The following NPAS3 variants were observed in gnomAD, a reference collection of about 807,000 sequenced individuals.
The protein encoded by NPAS3 is neuronal PAS domain-containing protein 3.
NPAS3 carries 14 observed loss-of-function variants against 73.1 expected under a neutral mutation model. The observed-to-expected ratio is 0.19, with a 90% CI of 0.13 to 0.30. The LOEUF is 0.30. Among genes scored for constraint, NPAS3 ranks in the 10% least tolerant of loss-of-function variants. The pLI, the probability that NPAS3 is intolerant of heterozygous loss-of-function variation, is 1.00. For synonymous variants in NPAS3, 620 were observed against 541.5 expected (o/e 1.14, Z -2.01); for missense variants, 1,096 against 1,250.0 (o/e 0.88, Z 1.86).
chr14:33,570,219 A>G (rs1255538846), intron 5 of NPAS3, among the ~76,000 whole-genome samples: 2 of 152,210 alleles, frequency 1.3e-5, no homozygotes, highest in African/African-American at 4.8e-5. Context: ...TTGGCAGACA[A>G]CTTTTTAAGA....
chr14:33,408,666 G>A (rs935457833), intron 4 of NPAS3, among the ~76,000 whole-genome samples: 1 of 152,164 alleles, frequency 6.6e-6, no homozygotes, highest in African/African-American at 2.4e-5. Context: ...AGCAGCACAT[G>A]TGGGGTGCCA....
intron 4 of NPAS3, among the ~76,000 whole-genome samples, chr14:33,475,635 C>G (rs1052564666): frequency 6.6e-6 from 1 of 151,662 alleles, no homozygotes; most frequent in Admixed American, 6.6e-5. Flanking sequence ...TTATACACTC[C>G]TGGTTTCCAT....
intron 9 of NPAS3, among the ~76,000 whole-genome samples, chr14:33,779,319 C>T (rs1209823317): frequency 1.3e-5 from 2 of 152,228 alleles, no homozygotes; most frequent in Non-Finnish European, 1.5e-5. Flanking sequence ...TCCAACCGCC[C>T]TGGCTGTTCG....
chr14:33,187,859 G>A (rs1331864051), intron 2 of NPAS3, among the ~76,000 whole-genome samples: 1 of 152,042 alleles, frequency 6.6e-6, no homozygotes, highest in Non-Finnish European at 1.5e-5. Context: ...GATGGATGTT[G>A]TTACTTCTTC....
chr14:33,255,525 A>AT (rs1288800475), intron 3 of NPAS3, among the ~76,000 whole-genome samples: 2 of 152,034 alleles, frequency 1.3e-5, no homozygotes, highest in Admixed American at 6.6e-5. Context: ...CTTAAAGTGT[A>AT]TTTTTTTTCC....
intron 6 of NPAS3, among the ~76,000 whole-genome samples, chr14:33,696,852 C>T (rs1165251372): frequency 6.6e-6 from 1 of 152,136 alleles, no homozygotes; most frequent in South Asian, 2.1e-4. Flanking sequence ...TGAGGAGTTA[C>T]CCCTGCATCT....
intron 4 of NPAS3, among the ~76,000 whole-genome samples, chr14:33,530,843 C>T (rs1328351116): frequency 1.3e-5 from 2 of 152,064 alleles, no homozygotes; most frequent in Non-Finnish European, 2.9e-5. Context: ...AAATCGAAGG[C>T]TCTGGCAACC....
At chr14:33,559,718 A>G (rs1869306556) in intron 4 of NPAS3, among the ~76,000 whole-genome samples, 1 of 152,226 alleles carries the variant, frequency 6.6e-6, no homozygotes, top group African/African-American at 2.4e-5. Flanking sequence ...TGGAGAAAAG[A>G]CGGTCTTAAA....
intron 1 of NPAS3, among the ~76,000 whole-genome samples, chr14:32,993,525 A>C (rs866865302): frequency 6.6e-6 from 1 of 152,196 alleles, no homozygotes; most frequent in Non-Finnish European, 1.5e-5. Context: ...CGCAAAGTGA[A>C]AAGAAGATTT....
chr14:33,142,266 C>T (rs2044082857), intron 2 of NPAS3, among the ~76,000 whole-genome samples: 1 of 104,788 alleles, frequency 9.5e-6, no homozygotes, highest in Non-Finnish European at 1.8e-5. Flanking sequence ...TACTTTTACA[C>T]TTAAAAAGGA....
intron 5 of NPAS3, among the ~76,000 whole-genome samples, chr14:33,669,331 C>G (rs2059545707): frequency 6.6e-6 from 1 of 152,158 alleles, no homozygotes; most frequent in Non-Finnish European, 1.5e-5. Flanking sequence ...TTGAAAAATT[C>G]AAAACTATGG....
exon 10 of NPAS3, chr14:33,793,955 A>G (rs1323497505): frequency 4.3e-6 from 7 of 1,613,698 alleles, no homozygotes; most frequent in Non-Finnish European, 5.9e-6. Context: ...AGAACGGAGG[A>G]TATATTTGGA....
intron 2 of NPAS3, among the ~76,000 whole-genome samples, chr14:33,117,502 GAGTGC>G (rs1286728817): frequency 5.3e-5 from 8 of 152,238 alleles, no homozygotes; most frequent in East Asian, 1.9e-4. Flanking sequence ...GTAAGCCAAA[GAGTGC>G]AGTGTTAATG....
At chr14:33,674,408 T>C (rs1245938632) in intron 5 of NPAS3, among the ~76,000 whole-genome samples, 3 of 152,216 alleles carry the variant, frequency 2.0e-5, no homozygotes, top group Non-Finnish European at 4.4e-5. Flanking sequence ...TATTCACTAA[T>C]CTCCAAACAA....
chr14:33,010,458 C>A (rs151333788), intron 1 of NPAS3, among the ~76,000 whole-genome samples: 4 of 152,308 alleles, frequency 2.6e-5, no homozygotes, highest in Non-Finnish European at 4.4e-5. Context: ...TACATACTTA[C>A]AAATACAATA....
chr14:33,332,172 G>A (rs1110867), intron 3 of NPAS3, among the ~76,000 whole-genome samples: 84,999 of 151,944 alleles, frequency 0.56, 24,040 homozygotes, highest in Non-Finnish European at 0.59. Context: ...AAATTATTAC[G>A]GTAGTAAAAT....
intron 4 of NPAS3, among the ~76,000 whole-genome samples, chr14:33,468,994 G>A (rs1490329153): frequency 3.3e-5 from 5 of 152,050 alleles, no homozygotes; most frequent in East Asian, 1.9e-4. Flanking sequence ...AACAAAACTC[G>A]GTATCTCCTA....
intron 2 of NPAS3, among the ~76,000 whole-genome samples, chr14:33,056,570 T>G (rs2040897079): frequency 6.6e-6 from 1 of 152,212 alleles, no homozygotes. Context: ...GCCATTTGCT[T>G]TGTCCATTAC....
chr14:33,649,322 G>T (rs913055371), intron 5 of NPAS3, among the ~76,000 whole-genome samples: 1 of 152,180 alleles, frequency 6.6e-6, no homozygotes, highest in South Asian at 2.1e-4. Context: ...GTTTCACCCT[G>T]CCCGTTGACA....
Sources: allele counts gnomAD v4.1 joint callset (sites outside exome capture counted in the v4.1 genomes callset), GRCh38; gene constraint gnomAD v4.1.1; transcripts MANE v1.5; gene names NCBI Gene and HGNC (gene_info 2026-07-23, HGNC 2026-07-21).